KLHL1: variants seen among roughly 807,000 people sequenced by gnomAD.
KLHL1 encodes the protein kelch-like protein 1.
Under a neutral mutation model 77.7 loss-of-function variants are expected in KLHL1, and 47 were observed. The ratio of observed to expected loss-of-function variants is 0.60; its 90% CI spans 0.48 to 0.77. The LOEUF (loss-of-function observed/expected upper bound fraction) is 0.77, where lower values mean the gene tolerates loss of function less well. Among genes scored for constraint, KLHL1 ranks in the 30% least tolerant of loss-of-function variants. The probability of loss-of-function intolerance (pLI) is 0.00; values close to 1 mark genes in which losing one functional copy is unlikely to be tolerated. For missense variants in KLHL1, 925 were observed against 910.8 expected (o/e 1.02, Z -0.20); for synonymous variants, 360 against 325.2 (o/e 1.11, Z -1.15).
At chr13:69,726,778 T>A (rs1873315350) in intron 8 of KLHL1, among the ~76,000 whole-genome samples, 1 of 152,172 alleles carries the variant, frequency 6.6e-6, no homozygotes, top group Non-Finnish European at 1.5e-5. Context: ...CTGCTCCAAC[T>A]CTACGCGTTT....
At chr13:69,967,351 AC>A (rs1412087407) in intron 2 of KLHL1, among the ~76,000 whole-genome samples, 1 of 152,110 alleles carries the variant, frequency 6.6e-6, no homozygotes, top group African/African-American at 2.4e-5. Context: ...CTCATATATG[AC>A]TTTGAAGGGT....
At chr13:69,963,011 CA>C (rs1884113708) in intron 2 of KLHL1, among the ~76,000 whole-genome samples, 1 of 151,996 alleles carries the variant, frequency 6.6e-6, no homozygotes, top group Non-Finnish European at 1.5e-5. Flanking sequence ...TTAAATTTTC[CA>C]AAGTTTTTTT....
chr13:69,769,964 G>T (rs907196639), intron 7 of KLHL1, among the ~76,000 whole-genome samples: 36 of 152,158 alleles, frequency 2.4e-4, no homozygotes, highest in Non-Finnish European at 7.3e-5. Flanking sequence ...GGAGTGAACA[G>T]TGGTGACCCT....
rs186552518 is a variant in KLHL1 at position 70,069,890 on chromosome 13, C to T, written c.497+37313G>A. On this transcript the variant is annotated intron_variant, in intron 1 of 10. Coordinates refer to ENST00000377844, the MANE Select transcript of KLHL1 (RefSeq NM_020866.3). ...AATGAGAGAAAGAAGCAGATGAGGCCGGGCACGGTGGCTCATGCCTGTAAT... is the reference window on the plus strand; with the variant it reads ...AATGAGAGAAAGAAGCAGATGAGGCTGGGCACGGTGGCTCATGCCTGTAAT... 7.9e-5 allele frequency among the ~76,000 whole-genome samples: 12 copies of T among 151,652 alleles called. 1 individual carries two copies. Among genetic ancestry groups the T allele is most frequent in the African/African-American group, 2.4e-4 (10 of 41,098 alleles).
rs1055607441 is a variant in KLHL1, at chr13:69,795,528, A to G, written c.1639+1210T>C. Among the ~76,000 whole-genome samples the G allele has an allele frequency of 3.3e-5, 5 of 152,354 alleles. No individual in the cohort carries two copies. The East Asian group carries it at 5.8e-4, about 18-fold the overall frequency. ...ATTTGTACTTCTCCTTACAATCCTC[A>G]TAAGACAAAGTGTAAATTCAAGAAC... On this transcript the variant is annotated intron_variant, in intron 7 of 10. Coordinates refer to ENST00000377844, the MANE Select transcript of KLHL1 (RefSeq NM_020866.3).
At chr13:69,752,651 C>T (rs1301816360) in intron 7 of KLHL1, among the ~76,000 whole-genome samples, 1 of 152,096 alleles carries the variant, frequency 6.6e-6, no homozygotes, top group Non-Finnish European at 1.5e-5. Context: ...TGCTGTAGGG[C>T]TTACAAGCTC....
In KLHL1 at chr13:69,920,546, T is replaced by A. The variant is rs139892862; in HGVS notation, c.1014+19494A>T. ...TGGATTGAATTAATTAAGAAAACTA[T>A]ATTGAGGAGCAATATAACAATGTAT... On this transcript the variant is annotated intron_variant, in intron 4 of 10. Coordinates refer to ENST00000377844, the MANE Select transcript of KLHL1 (RefSeq NM_020866.3). 5.3e-5 allele frequency among the ~76,000 whole-genome samples: 8 copies of A among 152,198 alleles called. No homozygotes were observed. The South Asian group carries it at 8.3e-4, about 16-fold the overall frequency.
chr13:69,864,004 G>A (rs772022820), intron 5 of KLHL1, among the ~76,000 whole-genome samples: 8 of 151,710 alleles, frequency 5.3e-5, no homozygotes, highest in Non-Finnish European at 1.2e-4. Flanking sequence ...AATAAACAAC[G>A]CAATAATTTA....
At chr13:69,933,746 ATGAAATCTTCTAAG>A (rs2138286099) in intron 4 of KLHL1, among the ~76,000 whole-genome samples, 1 of 152,110 alleles carries the variant, frequency 6.6e-6, no homozygotes, top group African/African-American at 2.4e-5. Context: ...CCTAAACCTA[ATGAAATCTTCTAAG>A]TCATACTGGT....
intron 7 of KLHL1, among the ~76,000 whole-genome samples, chr13:69,793,801 T>C (rs1192216451): frequency 6.6e-6 from 1 of 152,100 alleles, no homozygotes; most frequent in Non-Finnish European, 1.5e-5. Context: ...AGTAATCATA[T>C]ATATTTGAGA....
chr13:70,067,662 A>G (rs1418504344), intron 1 of KLHL1, among the ~76,000 whole-genome samples: 1 of 151,594 alleles, frequency 6.6e-6, no homozygotes, highest in Non-Finnish European at 1.5e-5. Flanking sequence ...AACAACAACA[A>G]AAAGGTTCTT....
At chr13:69,841,843 A>G (rs938345446) in intron 5 of KLHL1, among the ~76,000 whole-genome samples, 32 of 152,006 alleles carry the variant, frequency 2.1e-4, no homozygotes, top group African/African-American at 7.5e-4. Context: ...AGATAGATAT[A>G]TAGGCCAATG....
At chr13:69,734,729 C>A (rs1047773782) in intron 8 of KLHL1, among the ~76,000 whole-genome samples, 1 of 151,972 alleles carries the variant, frequency 6.6e-6, no homozygotes, top group Non-Finnish European at 1.5e-5. Flanking sequence ...TGATTTGTGG[C>A]AGTGATGAAA....
At chr13:69,960,181 A>G (rs938662248) in intron 3 of KLHL1, among the ~76,000 whole-genome samples, 5 of 147,486 alleles carry the variant, frequency 3.4e-5, no homozygotes, top group African/African-American at 1.3e-4. Flanking sequence ...TCCTTCTTCA[A>G]TATAAGTGAA....
intron 1 of KLHL1, among the ~76,000 whole-genome samples, chr13:70,061,727 G>A (rs190598343): frequency 3.3e-5 from 5 of 152,136 alleles, no homozygotes; most frequent in Non-Finnish European, 5.9e-5. Flanking sequence ...CCAGGTTCTT[G>A]CATTTTCAAA....
At chr13:70,085,027 T>C (rs1887499647) in intron 1 of KLHL1, among the ~76,000 whole-genome samples, 1 of 152,106 alleles carries the variant, frequency 6.6e-6, no homozygotes, top group African/African-American at 2.4e-5. Context: ...ATTGATGACA[T>C]GAATATGGTA....
Position 69,882,411 on chromosome 13 carries a change from C to A in KLHL1, c.1099G>T (p.Val367Phe). Residue 367 changes from valine to phenylalanine, a missense_variant, in exon 5 of 11, where the codon GTC becomes TTC. By Grantham distance (50) the Val-to-Phe change is conservative. Coordinates refer to ENST00000377844, the MANE Select transcript of KLHL1 (RefSeq NM_020866.3). ...ATGGTTTCTTCATCAGGAACATTGA[C>A]ATCATCACTGGCCAGTAGTTTATGG... ...ELHKLLASDD[V>F]NVPDEETIFH... 1 of 1,613,582 alleles carries A rather than the reference C, an allele frequency of 6.2e-7. No homozygotes were observed. The highest frequency in any genetic ancestry group is 8.5e-7 in the Non-Finnish European group (1 of 1,179,512).
chr13:70,088,707 A>C (rs1270436377), intron 1 of KLHL1, among the ~76,000 whole-genome samples: 1 of 152,142 alleles, frequency 6.6e-6, no homozygotes, highest in Non-Finnish European at 1.5e-5. Flanking sequence ...TAAATAAAAT[A>C]AAATAAAAAA....
At chr13:69,868,417 A>G (rs17085566) in intron 5 of KLHL1, among the ~76,000 whole-genome samples, 27,603 of 144,952 alleles carry the variant, frequency 0.19, 3,671 homozygotes, top group African/African-American at 0.44. Context: ...ATGGACATAC[A>G]TTTTTTTAGA....
Sources: gnomAD v4.1 joint callset for allele counts (sites outside exome capture counted in the v4.1 genomes callset) on GRCh38, gnomAD v4.1.1 for gene constraint, MANE v1.5 for transcripts, NCBI Gene and HGNC (gene_info 2026-07-23, HGNC 2026-07-21) for gene names.